SUGCT: variants seen among roughly 807,000 people sequenced by gnomAD.
SUGCT encodes the protein succinyl-CoA:glutarate-CoA transferase.
In SUGCT, 41 loss-of-function variants were observed where a neutral mutation model predicts 55.0. The observed-to-expected ratio is 0.74, with a 90% confidence interval of 0.58 to 0.97. The LOEUF (loss-of-function observed/expected upper bound fraction) is 0.97. Ranked by LOEUF, SUGCT falls within the 50% of genes least tolerant of loss-of-function variation. The pLI, the probability that SUGCT is intolerant of heterozygous loss-of-function variation, is 0.00. For missense variants in SUGCT, 568 were observed against 547.8 expected (o/e 1.04, Z -0.37); for synonymous variants, 187 against 200.4 (o/e 0.93, Z 0.56).
At chr7:40,646,908 A>G (rs1451653343) in intron 12 of SUGCT, among the ~76,000 whole-genome samples, 1 of 152,188 alleles carries the variant, frequency 6.6e-6, no homozygotes, top group African/African-American at 2.4e-5. Flanking sequence ...CTGTTGCATG[A>G]ATGAATCAGG....
At chr7:40,334,231 A>G (rs1332423292) in intron 9 of SUGCT, among the ~76,000 whole-genome samples, 1 of 152,182 alleles carries the variant, frequency 6.6e-6, no homozygotes, top group Non-Finnish European at 1.5e-5. Context: ...GTGTCTTTAT[A>G]GCAGCATGAT....
the SUGCT span, among the ~76,000 whole-genome samples, chr7:40,878,416 T>C: frequency 6.6e-6 from 1 of 152,206 alleles, no homozygotes; most frequent in East Asian, 1.9e-4. Context: ...CTGTTTGGCA[T>C]TCCTCTTTGG....
At chr7:40,737,801 G>A (rs549024546) in intron 12 of SUGCT, among the ~76,000 whole-genome samples, 1 of 152,142 alleles carries the variant, frequency 6.6e-6, no homozygotes, top group Admixed American at 6.5e-5. Flanking sequence ...GCGGGCGCCT[G>A]TAATCCCAGC....
the SUGCT span, among the ~76,000 whole-genome samples, chr7:40,943,657 A>G: frequency 0.33 from 49,421 of 148,800 alleles, 8,646 homozygotes; most frequent in African/African-American, 0.44. Context: ...TATGTGCCAC[A>G]TTTTCTTAAT....
chr7:41,009,766 G>A, the SUGCT span, among the ~76,000 whole-genome samples: 1 of 152,008 alleles, frequency 6.6e-6, no homozygotes, highest in Non-Finnish European at 1.5e-5. Flanking sequence ...AAAAGCTATA[G>A]TACAATGTTT....
chr7:40,441,612 AG>A, intron 9 of SUGCT, among the ~76,000 whole-genome samples: 1 of 152,214 alleles, frequency 6.6e-6, no homozygotes, highest in East Asian at 1.9e-4. Flanking sequence ...ATTCATGTAT[AG>A]TAAGATATTC....
chr7:40,786,764 A>G (rs1022825052), intron 13 of SUGCT, among the ~76,000 whole-genome samples: 1 of 152,192 alleles, frequency 6.6e-6, no homozygotes, highest in African/African-American at 2.4e-5. Flanking sequence ...AGGCATTGGA[A>G]TGGTGTCACT....
intron 13 of SUGCT, among the ~76,000 whole-genome samples, chr7:40,801,634 C>T (rs1321898516): frequency 6.6e-6 from 1 of 152,038 alleles, no homozygotes; most frequent in Non-Finnish European, 1.5e-5. Flanking sequence ...GAGGATGCCC[C>T]TTCTTCTGGG....
chr7:40,830,376 G>A (rs879025726), intron 13 of SUGCT, among the ~76,000 whole-genome samples: 8 of 152,014 alleles, frequency 5.3e-5, no homozygotes, highest in African/African-American at 1.4e-4. Context: ...TCCATGCCCC[G>A]TGCCCATACT....
At chr7:40,761,689 C>T (rs952699532) in intron 13 of SUGCT, among the ~76,000 whole-genome samples, 2 of 152,110 alleles carry the variant, frequency 1.3e-5, no homozygotes, top group African/African-American at 2.4e-5. Context: ...TCCCTCAGAG[C>T]GCTTATTAAC....
At chr7:40,417,966 A>G (rs1395082309) in intron 9 of SUGCT, among the ~76,000 whole-genome samples, 1 of 152,178 alleles carries the variant, frequency 6.6e-6, no homozygotes, top group Non-Finnish European at 1.5e-5. Context: ...TAGAAAAACA[A>G]TACATGTGAT....
chr7:40,722,674 ATAGT>A (rs1190132358), intron 12 of SUGCT, among the ~76,000 whole-genome samples: 2 of 152,202 alleles, frequency 1.3e-5, no homozygotes, highest in African/African-American at 4.8e-5. Context: ...CTGATACATA[ATAGT>A]TATACATATT....
chr7:40,236,442 C>CAAAAAAAAAAAAAAAAAAAAAAAAAAAAA (rs60720770), intron 6 of SUGCT, among the ~76,000 whole-genome samples: 6 of 90,016 alleles, frequency 6.7e-5, no homozygotes, highest in African/African-American at 3.0e-4. Context: ...TTTCTGATGG[C>CAAAAAAAAAAAAAAAAAAAAAAAAAAAAA]AAAAAAAAAA....
chr7:40,725,980 T>C (rs964546653), intron 12 of SUGCT, among the ~76,000 whole-genome samples: 1 of 152,094 alleles, frequency 6.6e-6, no homozygotes, highest in Non-Finnish European at 1.5e-5. Context: ...AAGGCAGTCA[T>C]TAGAAGATAA....
chr7:40,990,471 C>T, the SUGCT span, among the ~76,000 whole-genome samples: 1 of 152,148 alleles, frequency 6.6e-6, no homozygotes, highest in Non-Finnish European at 1.5e-5. Context: ...GGCAGAGTAT[C>T]TTTAGCATAA....
intron 13 of SUGCT, among the ~76,000 whole-genome samples, chr7:40,801,978 C>G (rs966654726): frequency 2.6e-5 from 4 of 151,734 alleles, no homozygotes; most frequent in Non-Finnish European, 4.4e-5. Flanking sequence ...TAAGCATGGC[C>G]ACCGAGAAAC....
chr7:40,640,760 T>C (rs1800235084), intron 12 of SUGCT, among the ~76,000 whole-genome samples: 1 of 152,244 alleles, frequency 6.6e-6, no homozygotes, highest in African/African-American at 2.4e-5. Flanking sequence ...TCATGATTTG[T>C]ATATTTTATA....
chr7:40,235,328 T>TGTAA (rs1788951861), intron 6 of SUGCT, among the ~76,000 whole-genome samples: 1 of 152,146 alleles, frequency 6.6e-6, no homozygotes, highest in African/African-American at 2.4e-5. Flanking sequence ...AAAAAAATTT[T>TGTAA]TGTTATTTTT....
intron 12 of SUGCT, among the ~76,000 whole-genome samples, chr7:40,677,611 TC>T (rs1195594779): frequency 2.0e-5 from 3 of 152,174 alleles, no homozygotes; most frequent in African/African-American, 7.2e-5. Context: ...CTCAGTAGAC[TC>T]CTGTTTATGT....
Sources: allele counts gnomAD v4.1 joint callset (sites outside exome capture counted in the v4.1 genomes callset), GRCh38; gene constraint gnomAD v4.1.1; transcripts MANE v1.5; gene names NCBI Gene and HGNC (gene_info 2026-07-23, HGNC 2026-07-21).